The following HYCC2 variants were observed in gnomAD, a reference collection of about 807,000 sequenced individuals.
HYCC2 encodes hyccin 2.
the HYCC2 span, among the ~76,000 whole-genome samples, chr2:201,004,890 G>A: frequency 6.6e-6 from 1 of 151,906 alleles, no homozygotes; most frequent in Non-Finnish European, 1.5e-5. Flanking sequence ...GGTGGCGGGC[G>A]CCTGTAGTCC....
the HYCC2 span, chr2:200,987,612 G>T: frequency 9.2e-7 from 1 of 1,090,902 alleles, no homozygotes; most frequent in Non-Finnish European, 1.2e-6. Context: ...GCAGATAAGA[G>T]AATGTATATA....
the HYCC2 span, among the ~76,000 whole-genome samples, chr2:200,997,845 G>A: frequency 1.3e-5 from 2 of 152,146 alleles, no homozygotes; most frequent in South Asian, 4.1e-4. Context: ...AGACCATCCT[G>A]GCTAACACGG....
the HYCC2 span, chr2:201,017,308 A>T: frequency 2.6e-5 from 18 of 679,860 alleles, no homozygotes; most frequent in Admixed American, 5.6e-4. Context: ...AATTTAACCA[A>T]AACCTTTGTG....
chr2:201,018,457 T>C, the HYCC2 span, among the ~76,000 whole-genome samples: 4 of 152,206 alleles, frequency 2.6e-5, no homozygotes, highest in Admixed American at 2.6e-4. Flanking sequence ...TATAGTTACA[T>C]ACATCTGTAA....
chr2:201,056,234 T>C, the HYCC2 span, among the ~76,000 whole-genome samples: 1 of 152,122 alleles, frequency 6.6e-6, no homozygotes, highest in Non-Finnish European at 1.5e-5. Context: ...TGAAGCACTG[T>C]GCACAGTGGA....
the HYCC2 span, among the ~76,000 whole-genome samples, chr2:201,048,228 T>C: frequency 2.6e-5 from 4 of 151,904 alleles, no homozygotes; most frequent in Non-Finnish European, 5.9e-5. Flanking sequence ...AGGATAACCA[T>C]TACAACAAAA....
At chr2:201,043,029 A>G in the HYCC2 span, among the ~76,000 whole-genome samples, 1 of 152,186 alleles carries the variant, frequency 6.6e-6, no homozygotes, top group Non-Finnish European at 1.5e-5. Context: ...TCAGACTGTT[A>G]TTGTGTCTGT....
the HYCC2 span, among the ~76,000 whole-genome samples, chr2:201,008,529 G>A: frequency 6.6e-6 from 1 of 152,124 alleles, no homozygotes; most frequent in African/African-American, 2.4e-5. Context: ...GGAATCTAAG[G>A]TGGGAGGATC....
chr2:201,019,934 A>G, the HYCC2 span, among the ~76,000 whole-genome samples: 2 of 151,896 alleles, frequency 1.3e-5, no homozygotes, highest in Non-Finnish European at 2.9e-5. Context: ...GAAAATAAAA[A>G]ATAAAATTAG....
chr2:201,021,930 T>C, the HYCC2 span: 4 of 437,550 alleles, frequency 9.1e-6, no homozygotes, highest in South Asian at 5.2e-5. Flanking sequence ...TAGCAACAGA[T>C]GCAAGTCTAA....
chr2:201,064,883 G>A, the HYCC2 span, among the ~76,000 whole-genome samples: 2 of 152,112 alleles, frequency 1.3e-5, no homozygotes, highest in Admixed American at 6.5e-5. Context: ...TGTACCCTTT[G>A]CCCATTTTCC....
chr2:201,048,286 CT>C, the HYCC2 span, among the ~76,000 whole-genome samples: 1 of 151,802 alleles, frequency 6.6e-6, no homozygotes, highest in Non-Finnish European at 1.5e-5. Flanking sequence ...AATATTTAAT[CT>C]AAAAGCAGGC....
the HYCC2 span, among the ~76,000 whole-genome samples, chr2:201,002,908 A>C: frequency 6.6e-6 from 1 of 152,232 alleles, no homozygotes. Flanking sequence ...TATGTACAAA[A>C]AATGTGTTCC....
chr2:201,028,070 A>G, the HYCC2 span, among the ~76,000 whole-genome samples: 2 of 152,118 alleles, frequency 1.3e-5, no homozygotes, highest in Non-Finnish European at 2.9e-5. Context: ...AAACCCCATC[A>G]TCTCAGCCCA....
chr2:201,003,146 A>C, the HYCC2 span, among the ~76,000 whole-genome samples: 15 of 152,026 alleles, frequency 9.9e-5, no homozygotes, highest in Admixed American at 7.2e-4. Context: ...AGCTTACTGC[A>C]GCCTCAAACT....
At chr2:201,045,679 C>T in the HYCC2 span, 1 of 393,246 alleles carries the variant, frequency 2.5e-6, no homozygotes, top group African/African-American at 2.1e-5. Flanking sequence ...TAGGCATTTA[C>T]AATATAGCTT....
chr2:200,987,297 G>T, the HYCC2 span: 1 of 1,222,788 alleles, frequency 8.2e-7, no homozygotes, highest in South Asian at 1.3e-5. Context: ...CTCTGCTTGG[G>T]GATAGAGAGC....
chr2:201,063,963 G>A, the HYCC2 span: 2 of 1,597,574 alleles, frequency 1.3e-6, no homozygotes, highest in Non-Finnish European at 1.7e-6. Context: ...TATGGCGGTG[G>A]AGGCCAATAC....
the HYCC2 span, among the ~76,000 whole-genome samples, chr2:201,036,985 A>C: frequency 1.7e-4 from 26 of 152,340 alleles, no homozygotes; most frequent in African/African-American, 5.3e-4. Context: ...ATGATTGTAT[A>C]TCTAGAAAAC....
Sources: allele counts gnomAD v4.1 joint callset (sites outside exome capture counted in the v4.1 genomes callset), GRCh38; gene constraint gnomAD v4.1.1; transcripts MANE v1.5; gene names NCBI Gene and HGNC (gene_info 2026-07-23, HGNC 2026-07-21).